IQCM: variants seen among roughly 807,000 people sequenced by gnomAD.
The protein encoded by IQCM is IQ domain-containing protein M.
A neutral mutation model predicts 57.6 loss-of-function variants in IQCM; 45 were observed. The ratio of observed to expected loss-of-function variants is 0.78; its 90% confidence interval spans 0.62 to 1.00. IQCM has a LOEUF of 1.00. Among genes scored for constraint, IQCM ranks in the 50% least tolerant of loss-of-function variants. The pLI is 0.00. For synonymous variants in IQCM, 148 were observed against 158.9 expected (o/e 0.93, Z 0.51); for missense variants, 468 against 511.6 (o/e 0.91, Z 0.82).
chr4:149,480,003 C>T (rs1740606254), intron 12 of IQCM, among the ~76,000 whole-genome samples: 2 of 152,176 alleles, frequency 1.3e-5, no homozygotes, highest in South Asian at 2.1e-4. Flanking sequence ...CAAAGAGCAA[C>T]TCATTTGCAA....
chr4:149,720,826 G>A (rs1038969763), intron 5 of IQCM, among the ~76,000 whole-genome samples: 128 of 152,192 alleles, frequency 8.4e-4, no homozygotes, highest in Middle Eastern at 3.4e-3. Context: ...TCACAATAAG[G>A]ATCTGTTTTT....
Position 149,542,779 on chromosome 4 carries a change from T to C in IQCM, c.1228+5676A>G, listed in dbSNP as rs533943853. 2.0e-4 allele frequency among the ~76,000 whole-genome samples: 31 copies of C among 152,244 alleles called. No individual in the cohort carries two copies. The East Asian group carries it at 2.7e-3, about 13-fold the overall frequency. ...ATATGTAAGAATTATTTATGAATAA[T>C]AGCAAACTTTTATTGTGCACTTACA... On this transcript the variant is annotated intron_variant, in intron 12 of 13. Coordinates refer to ENST00000636793, the MANE Select transcript of IQCM (RefSeq NM_001363507.2).
intron 13 of IQCM, among the ~76,000 whole-genome samples, chr4:149,403,949 G>A (rs1732797621): frequency 6.6e-6 from 1 of 151,960 alleles, no homozygotes; most frequent in South Asian, 2.1e-4. Flanking sequence ...TGCTGATGAA[G>A]GAGAGAAATG....
At chr4:149,504,484 A>C (rs1743583188) in intron 12 of IQCM, among the ~76,000 whole-genome samples, 3 of 145,270 alleles carry the variant, frequency 2.1e-5, no homozygotes, top group South Asian at 2.3e-4. Flanking sequence ...GCCCACACCC[A>C]CCCCCCATGA....
chr4:149,368,972 A>G (rs1414522140), intron 13 of IQCM, among the ~76,000 whole-genome samples: 12 of 43,154 alleles, frequency 2.8e-4, no homozygotes, highest in East Asian at 1.2e-3. Context: ...GTATATATAT[A>G]TGTGTATATA....
chr4:149,743,787 T>A (rs572288269), intron 2 of IQCM, among the ~76,000 whole-genome samples: 1 of 152,288 alleles, frequency 6.6e-6, no homozygotes. Flanking sequence ...TTTGACATTA[T>A]CATTACTTCA....
chr4:149,479,861 G>C (rs1235299905), intron 12 of IQCM, among the ~76,000 whole-genome samples: 1 of 152,200 alleles, frequency 6.6e-6, no homozygotes, highest in African/African-American at 2.4e-5. Context: ...AGGGGCCCAA[G>C]AGATTATACC....
chr4:149,716,944 A>C (rs1319474405), intron 5 of IQCM, among the ~76,000 whole-genome samples: 1 of 152,228 alleles, frequency 6.6e-6, no homozygotes, highest in Admixed American at 6.5e-5. Flanking sequence ...GAGAGCTTCC[A>C]GGTTGGCAAG....
chr4:149,553,063 A>G, intron 11 of IQCM, 80 bp downstream of exon 11: 1 of 1,057,732 alleles, frequency 9.5e-7, no homozygotes, highest in Non-Finnish European at 1.2e-6. Context: ...TTTGCTTTCT[A>G]CAGGTAATTA....
At chr4:149,750,306 CATTCAGTCATTGA>C (rs1288612294) in intron 2 of IQCM, among the ~76,000 whole-genome samples, 1 of 152,198 alleles carries the variant, frequency 6.6e-6, no homozygotes, top group Non-Finnish European at 1.5e-5. Flanking sequence ...CTGAAATTCC[CATTCAGTCATTGA>C]ATACAACCCT....
intron 9 of IQCM, among the ~76,000 whole-genome samples, chr4:149,576,501 T>G (rs929021828): frequency 6.6e-6 from 1 of 151,446 alleles, no homozygotes; most frequent in African/African-American, 2.4e-5. Context: ...TGGTATTTGG[T>G]TTTTTGTTCC....
intron 13 of IQCM, among the ~76,000 whole-genome samples, chr4:149,383,601 C>T (rs17026183): frequency 0.46 from 69,517 of 151,892 alleles, 16,095 homozygotes; most frequent in East Asian, 0.51. Flanking sequence ...TGGTAAACTG[C>T]CTACTGAAGG....
chr4:149,574,870 A>G (rs1751490757), intron 9 of IQCM, among the ~76,000 whole-genome samples: 2 of 151,960 alleles, frequency 1.3e-5, no homozygotes, highest in African/African-American at 4.8e-5. Flanking sequence ...TAAAAGCCAA[A>G]TACTTCTTAA....
chr4:149,451,084 C>A (rs1737066875), intron 12 of IQCM, among the ~76,000 whole-genome samples: 1 of 151,432 alleles, frequency 6.6e-6, no homozygotes, highest in Non-Finnish European at 1.5e-5. Context: ...ATAAGCCAGG[C>A]CAAAAAGGCA....
chr4:149,465,555 T>C (rs1738766464), intron 12 of IQCM, among the ~76,000 whole-genome samples: 1 of 152,102 alleles, frequency 6.6e-6, no homozygotes. Flanking sequence ...TTCACCCCAC[T>C]ATACAATCAC....
At chr4:149,377,399 G>A (rs753256618) in intron 13 of IQCM, among the ~76,000 whole-genome samples, 2 of 152,122 alleles carry the variant, frequency 1.3e-5, no homozygotes. Flanking sequence ...CTGGAATGAT[G>A]CTTGCAGGAT....
At chr4:149,519,292 A>G (rs1343635245) in intron 12 of IQCM, among the ~76,000 whole-genome samples, 5 of 152,166 alleles carry the variant, frequency 3.3e-5, no homozygotes, top group Non-Finnish European at 5.9e-5. Flanking sequence ...AAAAAGAATG[A>G]TATTTGCTTT....
chr4:149,683,156 T>C (rs564128480), intron 6 of IQCM, among the ~76,000 whole-genome samples: 1 of 151,346 alleles, frequency 6.6e-6, no homozygotes, highest in African/African-American at 2.4e-5. Context: ...TTGTATAGAT[T>C]TTAACATACT....
In IQCM at chr4:149,516,512, A is replaced by T. The variant is rs573547661; in HGVS notation, c.1228+31943T>A. ...GATTGACAGAATTGTAGAATGGCCT[A>T]TTGAAGTCACAATTACAATGCCAAC... On this transcript the variant is annotated intron_variant, in intron 12 of 13. Transcript: ENST00000636793. Among the ~76,000 whole-genome samples the T allele has an allele frequency of 4.9e-4, 74 of 152,338 alleles. 1 individual carries two copies. The South Asian group carries it at 0.015, about 32-fold the overall frequency.
Sources: allele counts gnomAD v4.1 joint callset (sites outside exome capture counted in the v4.1 genomes callset), GRCh38; gene constraint gnomAD v4.1.1; transcripts MANE v1.5; gene names NCBI Gene and HGNC (gene_info 2026-07-23, HGNC 2026-07-21).